PCLO: variants seen among roughly 807,000 people sequenced by gnomAD.
PCLO encodes piccolo presynaptic cytomatrix protein, also known as protein piccolo.
Under a neutral mutation model 427.5 loss-of-function variants are expected in PCLO, and 82 were observed. That is an observed-to-expected ratio of 0.19 (90% CI 0.16 to 0.23). PCLO has a LOEUF of 0.23. Ranked by LOEUF, PCLO falls within the 10% of genes least tolerant of loss-of-function variation. PCLO has a pLI of 1.00. For synonymous variants in PCLO, 2,357 were observed against 2,155.4 expected (o/e 1.09, Z -2.59); for missense variants, 6,239 against 6,115.9 (o/e 1.02, Z -0.67).
rs1372172065 is a variant in PCLO at position 82,754,040 on chromosome 7, T to C, written c.*4535A>G. ...TATTTTCAGTATTTATTAGTAAGGC[T>C]GAGGCAACAGCCTTTATACGGCACA... On this transcript the variant is annotated 3_prime_UTR_variant, in exon 25 of 25. Coordinates refer to ENST00000333891, the MANE Select transcript of PCLO (RefSeq NM_033026.6). 6.6e-6 allele frequency: 1 copy of C among 152,200 alleles called. No individual in the cohort carries two copies. The highest frequency in any genetic ancestry group is 2.4e-5 in the African/African-American group (1 of 41,468). 9.4% of individuals were successfully genotyped at this position (152,200 alleles called of 1,614,324 possible).
intron 6 of PCLO, among the ~76,000 whole-genome samples, chr7:82,926,109 T>C (rs1794706441): frequency 6.6e-6 from 1 of 152,248 alleles, no homozygotes; most frequent in East Asian, 1.9e-4. Context: ...AAAAAATACT[T>C]TCAACATGAA....
chr7:83,053,725 C>A (rs944467292), intron 3 of PCLO, among the ~76,000 whole-genome samples: 1 of 151,850 alleles, frequency 6.6e-6, no homozygotes, highest in Admixed American at 6.6e-5. Context: ...TCTGAGTTTT[C>A]AATAACTCTC....
intron 3 of PCLO, among the ~76,000 whole-genome samples, chr7:82,984,942 A>T (rs1362338868): frequency 6.6e-6 from 1 of 152,076 alleles, no homozygotes; most frequent in Non-Finnish European, 1.5e-5. Context: ...CATAAAATCA[A>T]GAATGAAACT....
chr7:82,801,198 T>C (rs7808029), intron 22 of PCLO, among the ~76,000 whole-genome samples: 85,435 of 113,814 alleles, frequency 0.75, 33,313 homozygotes, highest in Non-Finnish European at 0.8. Context: ...ACAAAATATA[T>C]GTTATATTTT....
At chr7:82,990,929 T>C (rs1796361935) in intron 3 of PCLO, among the ~76,000 whole-genome samples, 1 of 152,162 alleles carries the variant, frequency 6.6e-6, no homozygotes, top group Non-Finnish European at 1.5e-5. Flanking sequence ...GAGTTCTTGT[T>C]CAAAATTGAT....
At chr7:83,072,322 T>C (rs1304718218) in intron 3 of PCLO, among the ~76,000 whole-genome samples, 2 of 152,054 alleles carry the variant, frequency 1.3e-5, no homozygotes, top group Non-Finnish European at 2.9e-5. Flanking sequence ...GATAACACTT[T>C]ATACAACTGC....
intron 6 of PCLO, among the ~76,000 whole-genome samples, 189 bp downstream of exon 6, chr7:82,949,287 A>G (rs1452176598): frequency 1.3e-5 from 2 of 151,926 alleles, no homozygotes; most frequent in Non-Finnish European, 2.9e-5. Flanking sequence ...GCGCACACAC[A>G]CACGTGTGCA....
chr7:83,041,866 G>A lies in PCLO; in HGVS notation c.3301-75379C>T, dbSNP rs922318001. Among the ~76,000 whole-genome samples the A allele has an allele frequency of 2.0e-5, 3 of 152,146 alleles. 1 individual carries two copies. In the Middle Eastern group the frequency reaches 0.01, roughly 518 times the overall value. ...CATTACATACAACTAAATTTAATCA[G>A]AAAGTATTTTTGAATAATATTAATA... is the stretch of plus-strand genomic sequence containing the variant. On this transcript the variant is annotated intron_variant, in intron 3 of 24. Transcript: ENST00000333891.
At chr7:83,060,305 C>G (rs923533896) in intron 3 of PCLO, among the ~76,000 whole-genome samples, 4 of 152,120 alleles carry the variant, frequency 2.6e-5, no homozygotes, top group Admixed American at 1.3e-4. Flanking sequence ...TTGGCTCTGC[C>G]TTGGTGCTGA....
At chr7:82,932,569 G>A (rs989679841) in intron 6 of PCLO, among the ~76,000 whole-genome samples, 1 of 152,126 alleles carries the variant, frequency 6.6e-6, no homozygotes, top group Non-Finnish European at 1.5e-5. Flanking sequence ...GCATTTGTGG[G>A]AATGGATGAA....
intron 22 of PCLO, among the ~76,000 whole-genome samples, chr7:82,762,300 G>T (rs529636427): frequency 3.3e-5 from 5 of 151,944 alleles, no homozygotes; most frequent in African/African-American, 1.2e-4. Flanking sequence ...TAGGTGAGAC[G>T]GATTAGGAAG....
At chr7:83,012,226 C>A in intron 3 of PCLO, among the ~76,000 whole-genome samples, 1 of 152,034 alleles carries the variant, frequency 6.6e-6, no homozygotes, top group East Asian at 1.9e-4. Context: ...TTGTAAACTG[C>A]AGAATACGCA....
intron 3 of PCLO, among the ~76,000 whole-genome samples, chr7:83,034,355 C>T (rs1414494378): frequency 6.6e-6 from 1 of 152,030 alleles, no homozygotes; most frequent in Non-Finnish European, 1.5e-5. Context: ...CACCGAGCTA[C>T]TTTTTATATT....
intron 3 of PCLO, among the ~76,000 whole-genome samples, chr7:83,095,185 C>T (rs10954704): frequency 0.46 from 69,788 of 151,726 alleles, 16,452 homozygotes; most frequent in East Asian, 0.71. Context: ...ATGTGAATTA[C>T]GGGAGTTTGT....
chr7:82,765,661 A>G (rs559612793), intron 22 of PCLO, among the ~76,000 whole-genome samples: 8 of 152,124 alleles, frequency 5.3e-5, no homozygotes, highest in African/African-American at 1.9e-4. Flanking sequence ...TTGTTTATAC[A>G]TTCTTGACAG....
intron 22 of PCLO, among the ~76,000 whole-genome samples, chr7:82,788,848 A>G (rs1245486465): frequency 6.6e-6 from 1 of 151,500 alleles, no homozygotes; most frequent in Admixed American, 6.6e-5. Flanking sequence ...CGTTGTAACA[A>G]TTCAACCTAG....
chr7:82,976,434 C>A (rs748743879), intron 3 of PCLO, among the ~76,000 whole-genome samples: 1 of 152,098 alleles, frequency 6.6e-6, no homozygotes, highest in Non-Finnish European at 1.5e-5. Context: ...AATCTCTATA[C>A]CAAATCTCTT....
intron 2 of PCLO, among the ~76,000 whole-genome samples, chr7:83,143,461 T>C (rs552117808): frequency 1.3e-5 from 2 of 152,164 alleles, no homozygotes; most frequent in Non-Finnish European, 2.9e-5. Flanking sequence ...CTCTCTGAAA[T>C]TGCATGGATT....
chr7:83,019,922 C>T (rs765833467), intron 3 of PCLO, among the ~76,000 whole-genome samples: 7 of 152,098 alleles, frequency 4.6e-5, no homozygotes, highest in Non-Finnish European at 7.4e-5. Flanking sequence ...CTGAGTACAA[C>T]TCTTCAAGCA....
Sources: allele counts gnomAD v4.1 joint callset (sites outside exome capture counted in the v4.1 genomes callset), GRCh38; gene constraint gnomAD v4.1.1; transcripts MANE v1.5; gene names NCBI Gene and HGNC (gene_info 2026-07-23, HGNC 2026-07-21).